The following NFIB variants were observed in gnomAD, a reference collection of about 807,000 sequenced individuals.
NFIB encodes the protein nuclear factor 1 B-type.
Under a neutral mutation model 61.5 loss-of-function variants are expected in NFIB, and 11 were observed. That is an observed-to-expected ratio of 0.18 (90% CI 0.11 to 0.30). NFIB has a LOEUF of 0.30. Among genes scored for constraint, NFIB ranks in the 10% least tolerant of loss-of-function variants. NFIB has a pLI of 1.00. For missense variants in NFIB, 471 were observed against 608.9 expected (o/e 0.77, Z 2.38); for synonymous variants, 260 against 216.5 (o/e 1.20, Z -1.76).
chr9:14,384,428 C>A (rs2061525959), intron 1 of NFIB, among the ~76,000 whole-genome samples: 1 of 152,208 alleles, frequency 6.6e-6, no homozygotes, highest in Non-Finnish European at 1.5e-5. Flanking sequence ...TCAGCCTCAG[C>A]ACTTTCGAAC....
chr9:14,083,367 G>A lies in NFIB; in HGVS notation c.*4942C>T. 4.5e-6 allele frequency: 1 copy of A among 224,704 alleles called. No individual in the cohort carries two copies. Among genetic ancestry groups the A allele is most frequent in the East Asian group, 6.4e-5 (1 of 15,654 alleles). The allele number at this position is 224,704 out of a possible 1,614,324, so 13.9% of individuals were successfully genotyped here. A position where few individuals can be genotyped will look rare whatever the true frequency, so the allele number is the denominator to read the frequency against. On this transcript the variant is annotated 3_prime_UTR_variant, in exon 11 of 11. Coordinates refer to ENST00000380953, the MANE Select transcript of NFIB (RefSeq NM_001190737.2). ...CAATTTTAGGGAATTAGAAAAAACAGGGGAACTACCAGAAAGTGCAAAATA... is the reference window on the plus strand; with the variant it reads ...CAATTTTAGGGAATTAGAAAAAACAAGGGAACTACCAGAAAGTGCAAAATA...
At chr9:14,442,790 A>T in the NFIB span, among the ~76,000 whole-genome samples, 1 of 152,222 alleles carries the variant, frequency 6.6e-6, no homozygotes, top group South Asian at 2.1e-4. Flanking sequence ...TTCAAGTCCA[A>T]CATACCTTTT....
the NFIB span, among the ~76,000 whole-genome samples, chr9:14,448,091 T>G: frequency 6.6e-6 from 1 of 152,146 alleles, no homozygotes; most frequent in African/African-American, 2.4e-5. Flanking sequence ...TAACCATAGA[T>G]GGGATTGAGA....
the NFIB span, among the ~76,000 whole-genome samples, chr9:14,478,036 C>T: frequency 2.6e-5 from 4 of 152,066 alleles, no homozygotes; most frequent in African/African-American, 7.2e-5. Flanking sequence ...ATTTGATGTG[C>T]TTCCAAAGCC....
At chr9:14,396,412 C>T (rs1318791797) in intron 1 of NFIB, among the ~76,000 whole-genome samples, 1 of 152,140 alleles carries the variant, frequency 6.6e-6, no homozygotes, top group African/African-American at 2.4e-5. Context: ...GAACTGTTGG[C>T]ACGCCTCCCA....
chr9:14,389,256 T>C (rs2061591659), intron 1 of NFIB, among the ~76,000 whole-genome samples: 1 of 152,184 alleles, frequency 6.6e-6, no homozygotes, highest in Admixed American at 6.5e-5. Context: ...CATGATTCTT[T>C]TGTTTTCTAG....
At chr9:14,317,623 C>T (rs1038500246), upstream of NFIB, among the ~76,000 whole-genome samples, 2 of 152,236 alleles carry the variant, frequency 1.3e-5, no homozygotes, top group Non-Finnish European at 2.9e-5. Context: ...GTTTCTATGG[C>T]TTTGACTGTC....
chr9:14,120,508 G>A lies in NFIB; in HGVS notation c.1177C>T (p.Leu393=), dbSNP rs778357309. 6.2e-7 allele frequency: 1 copy of A among 1,614,168 alleles called. No homozygotes were observed. The change falls in exon 8 of 11, where the codon CTG becomes TTG. Residue 393 remains leucine, a synonymous_variant. Coordinates refer to ENST00000380953, the MANE Select transcript of NFIB (RefSeq NM_001190737.2). The surrounding 1 kb of genome is among the most constrained non-coding windows in gnomAD (Gnocchi z 4.4). ...SHPTIRYPPH[L]NPQDTLKNYV... ...TTCTTCAGAGTATCCTGAGGATTCAGGTGGGGAGGATATCTGATTGTTGGA... is the reference window on the plus strand; with the variant it reads ...TTCTTCAGAGTATCCTGAGGATTCAAGTGGGGAGGATATCTGATTGTTGGA...
At chr9:14,331,508 A>C (rs1324409034) in intron 1 of NFIB, among the ~76,000 whole-genome samples, 1 of 151,884 alleles carries the variant, frequency 6.6e-6, no homozygotes. Flanking sequence ...TAAGTTTTGG[A>C]TATAGCCAGG....
intron 1 of NFIB, among the ~76,000 whole-genome samples, chr9:14,338,320 G>A (rs2060908421): frequency 1.3e-5 from 2 of 152,266 alleles, no homozygotes; most frequent in South Asian, 4.1e-4. Flanking sequence ...CGTGAACCCG[G>A]GAGGCGGAGG....
At chr9:14,474,957 G>T in the NFIB span, among the ~76,000 whole-genome samples, 1 of 152,154 alleles carries the variant, frequency 6.6e-6, no homozygotes, top group Admixed American at 6.6e-5. Context: ...GGCCCTCAAT[G>T]GATTGTGTGC....
chr9:14,217,615 G>A (rs1348076515), intron 2 of NFIB, among the ~76,000 whole-genome samples: 1 of 131,000 alleles, frequency 7.6e-6, no homozygotes, highest in Admixed American at 9.3e-5. Flanking sequence ...AGCCGAGATT[G>A]CAACATTGCA....
chr9:14,416,095 T>C, the NFIB span, among the ~76,000 whole-genome samples: 3 of 152,140 alleles, frequency 2.0e-5, no homozygotes, highest in Non-Finnish European at 4.4e-5. Flanking sequence ...TAAACAGCAA[T>C]GGTGAGTAAG....
At chr9:14,195,798 T>C (rs1238149697) in intron 2 of NFIB, among the ~76,000 whole-genome samples, 1 of 151,994 alleles carries the variant, frequency 6.6e-6, no homozygotes, top group African/African-American at 2.4e-5. Flanking sequence ...TGTCACACCA[T>C]GAAAAACACA....
chr9:14,479,370 G>A, the NFIB span, among the ~76,000 whole-genome samples: 181 of 152,242 alleles, frequency 1.2e-3, 1 homozygote, highest in African/African-American at 4.2e-3. Flanking sequence ...AAACTTCTTC[G>A]GAGAAACAGC....
At chr9:14,408,354 G>T in the NFIB span, among the ~76,000 whole-genome samples, 1 of 151,990 alleles carries the variant, frequency 6.6e-6, no homozygotes, top group Admixed American at 6.6e-5. Flanking sequence ...CATCTTTATT[G>T]TCATCAACTA....
chr9:14,095,128 G>A (rs901447457), intron 10 of NFIB, among the ~76,000 whole-genome samples: 1 of 152,072 alleles, frequency 6.6e-6, no homozygotes, highest in Non-Finnish European at 1.5e-5. Flanking sequence ...CTTCGATATA[G>A]CAACCTACAC....
At chr9:14,287,363 G>A (rs931284011) in intron 2 of NFIB, among the ~76,000 whole-genome samples, 2 of 150,488 alleles carry the variant, frequency 1.3e-5, no homozygotes, top group Non-Finnish European at 3.0e-5. Context: ...CCCGGGAGGC[G>A]GCTTGCAGTG....
the NFIB span, among the ~76,000 whole-genome samples, chr9:14,467,159 G>C: frequency 6.6e-6 from 1 of 152,208 alleles, no homozygotes; most frequent in African/African-American, 2.4e-5. Context: ...CTGTCATTTA[G>C]AATCCAAATA....
Sources: allele counts gnomAD v4.1 joint callset (sites outside exome capture counted in the v4.1 genomes callset), GRCh38; gene constraint gnomAD v4.1.1; non-coding constraint Gnocchi (gnomAD v3.1); transcripts MANE v1.5; gene names NCBI Gene and HGNC (gene_info 2026-07-23, HGNC 2026-07-21).